TIMP2: variants seen among roughly 807,000 people sequenced by gnomAD.
The protein encoded by TIMP2 is TIMP metallopeptidase inhibitor 2, also known as metalloproteinase inhibitor 2.
In TIMP2, 5 loss-of-function variants were observed where a neutral mutation model predicts 24.3. That is an observed-to-expected ratio of 0.21 (90% confidence interval 0.11 to 0.43). The LOEUF (loss-of-function observed/expected upper bound fraction) is 0.43. TIMP2 is among the 20% of genes least tolerant of loss of function. The probability of loss-of-function intolerance (pLI) is 1.00; values close to 1 mark genes in which losing one functional copy is unlikely to be tolerated. For synonymous variants in TIMP2, 130 were observed against 123.2 expected, an observed-to-expected ratio of 1.06 and a Z score of -0.37; for missense variants, 221 against 297.5, an observed-to-expected ratio of 0.74 and a Z score of 1.89.
rs541619932 is a variant in TIMP2 at position 78,891,056 on chromosome 17, C to T, written c.131-17137G>A. ...GTCTTGAAGGTGGAGCTGAAGGGAG[C>T]CCTCTGCCAGCGTGCCCAGTTTGGG... is the stretch of plus-strand genomic sequence containing the variant. On this transcript the variant is annotated intron_variant, in intron 1 of 4. Coordinates refer to ENST00000262768, the MANE Select transcript of TIMP2 (RefSeq NM_003255.5). This position sits in a 1 kb window ranked among gnomAD's most constrained non-coding sequence, Gnocchi z 4.5. 84 of 1,550,962 alleles carry T rather than the reference C, an allele frequency of 5.4e-5. No homozygotes were observed. Among genetic ancestry groups the T allele is most frequent in the Non-Finnish European group, 6.7e-5 (77 of 1,147,120 alleles).
In TIMP2 at chr17:78,924,941, G is replaced by T; in HGVS notation, c.130+18C>A. The T allele has an allele frequency of 8.0e-7, 1 of 1,245,364 alleles. No individual in the cohort carries two copies. 77.1% of individuals were successfully genotyped at this position (1,245,364 alleles called of 1,614,324 possible). ...GGAGGTGGGGCCCCGCGCGGGGGCT[G>T]GGGTCGCCGCTCCTTACCTACATCT... On this transcript the variant is annotated intron_variant, in intron 1 of 4. Transcript: ENST00000262768. The surrounding 1 kb of genome is among the most constrained non-coding windows in gnomAD (Gnocchi z 5.3).
Position 78,925,104 on chromosome 17 carries a change from TG to T in TIMP2, c.-17del. On this transcript the variant is annotated 5_prime_UTR_variant, in exon 1 of 5. Coordinates refer to ENST00000262768, the MANE Select transcript of TIMP2 (RefSeq NM_003255.5). ...CGGCGCCCATGGCGGGCCGGGGGGC[TG>T]GGCGGGCGGGGGCCGCCGCTGGGGG... 2 of 9,208 alleles carry T rather than the reference TG, an allele frequency of 2.2e-4. No homozygotes were observed. The highest frequency in any genetic ancestry group is 3.5e-4 in the Non-Finnish European group (2 of 5,722). The allele number at this position is 9,208 out of a possible 1,614,324, so 0.6% of individuals were successfully genotyped here.
chr17:78,914,901 CTTT>C (rs71161637), intron 1 of TIMP2, among the ~76,000 whole-genome samples: 1 of 138,576 alleles, frequency 7.2e-6, no homozygotes, highest in Non-Finnish European at 1.5e-5. Flanking sequence ...TGGGCTTTTT[CTTT>C]TTTTTTTTTT....
At chr17:78,910,516 G>A (rs1189768945) in intron 1 of TIMP2, among the ~76,000 whole-genome samples, 1 of 152,178 alleles carries the variant, frequency 6.6e-6, no homozygotes, top group Non-Finnish European at 1.5e-5. Context: ...TAATCCAACA[G>A]TGACATGGAA....
chr17:78,873,599 CTGAAGGAAT>C (rs1454703840), intron 2 of TIMP2, among the ~76,000 whole-genome samples: 2 of 152,196 alleles, frequency 1.3e-5, no homozygotes, highest in African/African-American at 4.8e-5. Flanking sequence ...GGACAGGTTT[CTGAAGGAAT>C]TGAATTTGTG....
At position 78,864,900 on chromosome 17, in the gene TIMP2, A is replaced by G. The variant is rs28681462; in HGVS notation, c.340+5998T>C. ...AACCCCGTCTCTACTAAAAAAATAC[A>G]AAAATTAGCTGGGCGTGGTGGTGCA... On this transcript the variant is annotated intron_variant, in intron 3 of 4. Transcript: ENST00000262768. 4.2e-3 allele frequency among the ~76,000 whole-genome samples: 639 copies of G among 152,038 alleles called. 7 individuals carry two copies. Among genetic ancestry groups the G allele is most frequent in the African/African-American group, 0.014 (597 of 41,448 alleles).
chr17:78,855,558 G>T lies in TIMP2; in HGVS notation c.*109C>A. On this transcript the variant is annotated 3_prime_UTR_variant, in exon 5 of 5. Coordinates refer to ENST00000262768, the MANE Select transcript of TIMP2 (RefSeq NM_003255.5). The surrounding 1 kb of genome is among the most constrained non-coding windows in gnomAD (Gnocchi z 6.0). ...AGAATCATATTAATTTGGACCCATG[G>T]GATGAGTGTTTTATTCATGCTGTTT... 8.1e-7 allele frequency: 1 copy of T among 1,235,560 alleles called. No individual in the cohort carries two copies. Among genetic ancestry groups the T allele is most frequent in the Non-Finnish European group, 1.1e-6 (1 of 886,480 alleles). 76.5% of individuals were successfully genotyped at this position (1,235,560 alleles called of 1,614,324 possible).
Position 78,891,315 on chromosome 17 carries a change from C to G in TIMP2, c.131-17396G>C. 6.4e-7 allele frequency: 1 copy of G among 1,550,428 alleles called. No homozygotes were observed. Among genetic ancestry groups the G allele is most frequent in the Non-Finnish European group, 8.7e-7 (1 of 1,146,952 alleles). ...TCCCCGGCAGGCAGCATCTCTGGGT[C>G]TGCCATTTTCTTCCCTCTTGGGGTC... On this transcript the variant is annotated intron_variant, in intron 1 of 4. Transcript: ENST00000262768. The surrounding 1 kb of genome is among the most constrained non-coding windows in gnomAD (Gnocchi z 4.5).
intron 1 of TIMP2, among the ~76,000 whole-genome samples, chr17:78,901,451 G>A (rs1208128844): frequency 6.6e-6 from 1 of 152,100 alleles, no homozygotes; most frequent in Non-Finnish European, 1.5e-5. Flanking sequence ...GGAGGAGGGC[G>A]GTAAGGACGG....
intron 1 of TIMP2, among the ~76,000 whole-genome samples, chr17:78,883,987 C>A (rs1436033965): frequency 6.6e-6 from 1 of 152,220 alleles, no homozygotes; most frequent in East Asian, 1.9e-4. Context: ...TGCACCAGAC[C>A]CCGGGAGGAT....
intron 3 of TIMP2, among the ~76,000 whole-genome samples, chr17:78,862,536 G>A (rs527961242): frequency 6.6e-6 from 1 of 152,354 alleles, no homozygotes; most frequent in Non-Finnish European, 1.5e-5. Context: ...CAGCCAGCTG[G>A]CCACTGGGCA....
intron 1 of TIMP2, among the ~76,000 whole-genome samples, chr17:78,879,120 G>A (rs1246085111): frequency 6.6e-6 from 1 of 152,248 alleles, no homozygotes; most frequent in African/African-American, 2.4e-5. Context: ...CAGGTGAAGA[G>A]AGGGTACAGG....
intron 2 of TIMP2, among the ~76,000 whole-genome samples, chr17:78,873,273 GCCCTGCCCT>G (rs1222285732): frequency 2.1e-4 from 31 of 150,220 alleles, no homozygotes; most frequent in South Asian, 4.2e-4. Flanking sequence ...CCCAGGCCAG[GCCCTGCCCT>G]CCCTGCCCTC....
At chr17:78,884,429 T>C (rs974438143) in intron 1 of TIMP2, among the ~76,000 whole-genome samples, 1 of 152,208 alleles carries the variant, frequency 6.6e-6, no homozygotes, top group African/African-American at 2.4e-5. Context: ...CAGGGTCATG[T>C]GGCCTGTGGG....
intron 1 of TIMP2, among the ~76,000 whole-genome samples, chr17:78,911,234 T>A (rs1217358533): frequency 6.6e-6 from 1 of 152,044 alleles, no homozygotes; most frequent in East Asian, 1.9e-4. Context: ...AGAAACAGAA[T>A]ATTGCGAGCC....
chr17:78,898,157 G>A (rs1458716434), intron 1 of TIMP2: 1 of 152,270 alleles, frequency 6.6e-6, no homozygotes, highest in African/African-American at 2.4e-5. Context: ...CAGACCCGCA[G>A]GGTTTCATAC....
chr17:78,914,274 T>TTTATTTATTTATTTAC, intron 1 of TIMP2, among the ~76,000 whole-genome samples: 1 of 136,542 alleles, frequency 7.3e-6, no homozygotes, highest in South Asian at 2.2e-4. Flanking sequence ...TATTTATTTA[T>TTTATTTATTTATTTAC]TTATTTATTT....
At chr17:78,903,857 CT>C (rs2070130922) in intron 1 of TIMP2, among the ~76,000 whole-genome samples, 1 of 151,964 alleles carries the variant, frequency 6.6e-6, no homozygotes. Flanking sequence ...ATGGGGGCCC[CT>C]GACCTAGTCT....
chr17:78,857,416 G>A (rs1180859043), intron 4 of TIMP2, 106 bp downstream of exon 4: 1 of 1,479,930 alleles, frequency 6.8e-7, no homozygotes, highest in Non-Finnish European at 9.3e-7. Flanking sequence ...CTTAGATCAG[G>A]AGCCGGGGAT....
Sources: allele counts gnomAD v4.1 joint callset (sites outside exome capture counted in the v4.1 genomes callset), GRCh38; gene constraint gnomAD v4.1.1; non-coding constraint Gnocchi (gnomAD v3.1); transcripts MANE v1.5; gene names NCBI Gene and HGNC (gene_info 2026-07-23, HGNC 2026-07-21).